The following SDK1 variants were observed in gnomAD, a reference collection of about 807,000 sequenced individuals.
SDK1 encodes the protein protein sidekick-1.
SDK1 carries 157 observed loss-of-function variants against 245.5 expected under a neutral mutation model. That is an observed-to-expected ratio of 0.64 (90% confidence interval 0.56 to 0.73). The LOEUF is 0.73. Among genes scored for constraint, SDK1 ranks in the 30% least tolerant of loss-of-function variants. The pLI is 0.00. For missense variants in SDK1, 3,583 were observed against 3,002.3 expected (o/e 1.19, Z -4.52); for synonymous variants, 1,647 against 1,278.5 (o/e 1.29, Z -6.15).
At chr7:4,202,508 G>A (rs146300125) in intron 35 of SDK1, among the ~76,000 whole-genome samples, 5 of 152,320 alleles carry the variant, frequency 3.3e-5, no homozygotes, top group East Asian at 3.9e-4. Flanking sequence ...GTTTGGTCAC[G>A]TGGGGCCAGA....
At position 4,204,395 on chromosome 7, in the gene SDK1, C is replaced by T. The variant is rs564316765; in HGVS notation, c.5099-1484C>T. ...ACAACAACCTGGTGTGGGCTATTAACATTTCCATTAACGGCAGGGTGGGCA... is the reference window on the plus strand; with the variant it reads ...ACAACAACCTGGTGTGGGCTATTAATATTTCCATTAACGGCAGGGTGGGCA... On this transcript the variant is annotated intron_variant, in intron 35 of 44. Coordinates refer to ENST00000404826, the MANE Select transcript of SDK1 (RefSeq NM_152744.4). 2.7e-3 allele frequency among the ~76,000 whole-genome samples: 409 copies of T among 152,254 alleles called. 1 individual carries two copies. The highest frequency in any genetic ancestry group is 3.1e-3 in the Non-Finnish European group (211 of 68,020).
chr7:3,594,334 T>A (rs1204903544), intron 1 of SDK1, among the ~76,000 whole-genome samples: 1 of 152,262 alleles, frequency 6.6e-6, no homozygotes, highest in African/African-American at 2.4e-5. Context: ...ATACCACATA[T>A]TGCTTATCCA....
At chr7:3,344,097 T>A (rs1780430170) in intron 1 of SDK1, among the ~76,000 whole-genome samples, 1 of 150,914 alleles carries the variant, frequency 6.6e-6, no homozygotes, top group African/African-American at 2.4e-5. Context: ...ATAAAAGGAA[T>A]ATTTTGTACC....
chr7:3,686,539 G>A (rs1027817731), intron 4 of SDK1, among the ~76,000 whole-genome samples: 18 of 152,332 alleles, frequency 1.2e-4, no homozygotes, highest in African/African-American at 4.3e-4. Flanking sequence ...CAGTGATAAT[G>A]TAAAACAGGA....
At chr7:3,483,583 G>A (rs979255194) in intron 1 of SDK1, among the ~76,000 whole-genome samples, 4 of 152,180 alleles carry the variant, frequency 2.6e-5, no homozygotes, top group South Asian at 2.1e-4. Context: ...ACTACAATGC[G>A]GGATTTTAAC....
At chr7:3,637,466 A>T (rs1229542928) in intron 2 of SDK1, among the ~76,000 whole-genome samples, 1 of 152,176 alleles carries the variant, frequency 6.6e-6, no homozygotes, top group Non-Finnish European at 1.5e-5. Flanking sequence ...TTTGTCTGTG[A>T]ACGTGGCTGA....
intron 14 of SDK1, among the ~76,000 whole-genome samples, chr7:3,991,574 A>C (rs1310501389): frequency 6.6e-6 from 1 of 152,172 alleles, no homozygotes; most frequent in Non-Finnish European, 1.5e-5. Flanking sequence ...GTAGGTGTCC[A>C]GCTGCTTAAT....
chr7:4,145,614 G>C, intron 28 of SDK1, 108 bp from the exon 29 acceptor site: 1 of 955,434 alleles, frequency 1.0e-6, no homozygotes. Context: ...CCAGAGACGG[G>C]GAAGAGACAG....
At chr7:3,415,300 G>C (rs574837883) in intron 1 of SDK1, among the ~76,000 whole-genome samples, 1 of 152,164 alleles carries the variant, frequency 6.6e-6, no homozygotes, top group Admixed American at 6.5e-5. Flanking sequence ...ACACATAAAT[G>C]TGTCAGGAGA....
At chr7:3,465,388 GA>G (rs1434879292) in intron 1 of SDK1, among the ~76,000 whole-genome samples, 1 of 152,200 alleles carries the variant, frequency 6.6e-6, no homozygotes, top group African/African-American at 2.4e-5. Flanking sequence ...ATAGGCATAT[GA>G]AACATAATGA....
chr7:3,726,027 AT>A (rs1778997215), intron 4 of SDK1, among the ~76,000 whole-genome samples: 1 of 152,212 alleles, frequency 6.6e-6, no homozygotes, highest in Non-Finnish European at 1.5e-5. Context: ...TAAATTGCTG[AT>A]TTGCTAAGTG....
chr7:3,551,359 G>A (rs1214794606), intron 1 of SDK1, among the ~76,000 whole-genome samples: 1 of 152,026 alleles, frequency 6.6e-6, no homozygotes, highest in Non-Finnish European at 1.5e-5. Flanking sequence ...TATGTTATAC[G>A]ATATGCCAAG....
At chr7:3,807,720 A>G (rs746147672) in intron 4 of SDK1, among the ~76,000 whole-genome samples, 1 of 152,142 alleles carries the variant, frequency 6.6e-6, no homozygotes, top group Non-Finnish European at 1.5e-5. Flanking sequence ...GACAACCATT[A>G]AAGGACTTGA....
intron 5 of SDK1, among the ~76,000 whole-genome samples, chr7:3,843,814 A>C (rs1345619450): frequency 2.0e-5 from 3 of 152,294 alleles, no homozygotes; most frequent in South Asian, 2.1e-4. Context: ...GATGAACTCT[A>C]AACTTTTGTT....
chr7:4,166,907 G>A (rs935531615), intron 32 of SDK1, among the ~76,000 whole-genome samples: 9 of 152,132 alleles, frequency 5.9e-5, no homozygotes, highest in African/African-American at 1.7e-4. Context: ...CAGAGGGTCC[G>A]AGGTCACCGT....
At chr7:3,522,463 A>C (rs1320952345) in intron 1 of SDK1, among the ~76,000 whole-genome samples, 1 of 152,146 alleles carries the variant, frequency 6.6e-6, no homozygotes, top group Non-Finnish European at 1.5e-5. Flanking sequence ...GCTTAAAATA[A>C]CTCACGTACA....
chr7:3,729,464 A>T lies in SDK1; in HGVS notation c.713+87359A>T, dbSNP rs148085809. ...GTTGTCACAACTGGGTGGGGGCCAC[A>T]TTTGCCATCTTGTGAGTGAAGGCCA... is the stretch of plus-strand genomic sequence containing the variant. On this transcript the variant is annotated intron_variant, in intron 4 of 44. Transcript: ENST00000404826. 3.7e-3 allele frequency among the ~76,000 whole-genome samples: 564 copies of T among 152,312 alleles called. 19 individuals are homozygous for T. Among genetic ancestry groups the T allele is most frequent in the Admixed American group, 0.03 (454 of 15,294 alleles).
At chr7:3,396,222 T>A (rs1310342553) in intron 1 of SDK1, among the ~76,000 whole-genome samples, 2 of 151,926 alleles carry the variant, frequency 1.3e-5, no homozygotes, top group African/African-American at 4.8e-5. Context: ...CTTTGACCCG[T>A]ATTTAGAAAT....
At chr7:3,655,241 C>G (rs950651725) in intron 4 of SDK1, among the ~76,000 whole-genome samples, 1 of 151,136 alleles carries the variant, frequency 6.6e-6, no homozygotes, top group African/African-American at 2.4e-5. Context: ...CAAGACCAGC[C>G]TGACCAACAT....
Sources: gnomAD v4.1 joint callset for allele counts (sites outside exome capture counted in the v4.1 genomes callset) on GRCh38, gnomAD v4.1.1 for gene constraint, MANE v1.5 for transcripts, NCBI Gene and HGNC (gene_info 2026-07-23, HGNC 2026-07-21) for gene names.